CELF5: variants seen among roughly 807,000 people sequenced by gnomAD.
The protein encoded by CELF5 is CUGBP Elav-like family member 5.
CELF5 carries 6 observed loss-of-function variants against 54.9 expected under a neutral mutation model. The observed-to-expected ratio is 0.11, with a 90% CI of 0.06 to 0.22. The LOEUF is 0.22. CELF5 is among the 10% of genes least tolerant of loss of function. The pLI is 1.00. For missense variants in CELF5, 401 were observed against 678.6 expected, an observed-to-expected ratio of 0.59 and a Z score of 4.54; for synonymous variants, 271 against 290.9, an observed-to-expected ratio of 0.93 and a Z score of 0.70.
At chr19:3,277,737 C>G (rs1202230724) in intron 4 of CELF5, among the ~76,000 whole-genome samples, 1 of 152,022 alleles carries the variant, frequency 6.6e-6, no homozygotes, top group Non-Finnish European at 1.5e-5. Context: ...CTGGTGGTCT[C>G]TGTGTGTGTG....
chr19:3,288,261 C>T (rs902879665), intron 10 of CELF5, among the ~76,000 whole-genome samples: 1 of 152,160 alleles, frequency 6.6e-6, no homozygotes, highest in Non-Finnish European at 1.5e-5. Context: ...GTGGCTGACA[C>T]CTGTAATCCC....
intron 2 of CELF5, 55 bp downstream of exon 2, chr19:3,251,122 G>A: frequency 3.1e-5 from 42 of 1,354,832 alleles, no homozygotes; most frequent in Non-Finnish European, 4.3e-5. Context: ...TCTCAGCCTG[G>A]GGTGGGAGCC....
intron 2 of CELF5, among the ~76,000 whole-genome samples, chr19:3,271,949 A>G (rs2079972303): frequency 6.6e-6 from 1 of 152,174 alleles, no homozygotes; most frequent in South Asian, 2.1e-4. Context: ...TTCACTCACC[A>G]TGGCCTTACA....
intron 10 of CELF5, chr19:3,286,732 A>C (rs1309108239): frequency 1.2e-4 from 1 of 8,184 alleles, no homozygotes; most frequent in Non-Finnish European, 2.9e-4. Flanking sequence ...ACTCCATCTC[A>C]AAAAAAAAAA....
At chr19:3,271,679 AAGC>A in intron 2 of CELF5, among the ~76,000 whole-genome samples, 1 of 152,134 alleles carries the variant, frequency 6.6e-6, no homozygotes, top group East Asian at 1.9e-4. Context: ...AGGGCCTCTG[AAGC>A]AGGAGAGGCT....
At chr19:3,264,140 G>C (rs1198413972) in intron 2 of CELF5, among the ~76,000 whole-genome samples, 1 of 151,988 alleles carries the variant, frequency 6.6e-6, no homozygotes, top group African/African-American at 2.4e-5. Context: ...TGGATACAGT[G>C]GTGTGCCCTT....
At chr19:3,279,796 G>A (rs552346594) in intron 5 of CELF5, among the ~76,000 whole-genome samples, 1 of 152,274 alleles carries the variant, frequency 6.6e-6, no homozygotes, top group African/African-American at 2.4e-5. Flanking sequence ...TCCACCTCTC[G>A]AGTTCAAGCG....
At chr19:3,291,739 A>C (rs982609819) in intron 11 of CELF5, among the ~76,000 whole-genome samples, 4 of 143,904 alleles carry the variant, frequency 2.8e-5, no homozygotes, top group Non-Finnish European at 6.1e-5. Context: ...GCTGGAGCAG[A>C]GTGAGGAGGG....
intron 1 of CELF5, among the ~76,000 whole-genome samples, chr19:3,232,972 G>A (rs947561853): frequency 1.3e-5 from 2 of 152,034 alleles, no homozygotes; most frequent in Non-Finnish European, 2.9e-5. Context: ...TACTCGGGAG[G>A]CTGAGGCAAG....
At chr19:3,245,374 G>C (rs775124855) in intron 1 of CELF5, among the ~76,000 whole-genome samples, 15 of 146,566 alleles carry the variant, frequency 1.0e-4, no homozygotes, top group Non-Finnish European at 2.1e-4. Flanking sequence ...GTGTGTGCGT[G>C]TGTGTGTATG....
At chr19:3,230,077 C>CTCATTCATTCATTCATTCAT (rs113956897) in intron 1 of CELF5, among the ~76,000 whole-genome samples, 12 of 149,206 alleles carry the variant, frequency 8.0e-5, no homozygotes, top group South Asian at 2.1e-4. Context: ...TAGGACCACA[C>CTCATTCATTCATTCATTCAT]TCATTCATTC....
intron 2 of CELF5, among the ~76,000 whole-genome samples, chr19:3,259,929 T>G (rs1217192993): frequency 6.6e-6 from 1 of 152,110 alleles, no homozygotes; most frequent in Admixed American, 6.5e-5. Flanking sequence ...AAGGAGCAAG[T>G]AATGTTCTGG....
At chr19:3,235,710 A>G (rs181542369) in intron 1 of CELF5, among the ~76,000 whole-genome samples, 5 of 137,370 alleles carry the variant, frequency 3.6e-5, no homozygotes, top group Admixed American at 7.2e-5. Context: ...GGATGGATGG[A>G]TGGATGTGTG....
chr19:3,294,840 G>A (rs2080409386), intron 12 of CELF5: 1 of 152,238 alleles, frequency 6.6e-6, no homozygotes, highest in African/African-American at 2.4e-5. Context: ...GAGGAAATGG[G>A]CTTGGTGATG....
rs747132318 is a variant in CELF5 at position 3,251,058 on chromosome 19, C to T, written c.333C>T (p.Thr111=). 1 of 1,613,752 alleles carries T rather than the reference C, an allele frequency of 6.2e-7. No homozygotes were observed. The highest frequency in any genetic ancestry group is 8.5e-7 in the Non-Finnish European group (1 of 1,179,702). The part of the protein sequence containing the change: ...KAQTALHEQK[T]LPGMARPIQV... ...AGACTGCCCTGCACGAGCAGAAGACCTTGCCCGGAGTGAGTCCTGTGTGGT... is the reference window on the plus strand; with the variant it reads ...AGACTGCCCTGCACGAGCAGAAGACTTTGCCCGGAGTGAGTCCTGTGTGGT... Residue 111 remains threonine, a synonymous_variant, in exon 2 of 13, where the codon ACC becomes ACT. Coordinates refer to ENST00000292672, the MANE Select transcript of CELF5 (RefSeq NM_021938.4).
chr19:3,259,730 C>T (rs2145179842), intron 2 of CELF5, among the ~76,000 whole-genome samples: 1 of 152,078 alleles, frequency 6.6e-6, no homozygotes, highest in African/African-American at 2.4e-5. Flanking sequence ...ATCCAGCCCC[C>T]AGGAGACACT....
chr19:3,250,884 G>GCCGTATCAATAAAA, intron 1 of CELF5, 101 bp from the exon 2 acceptor site: 1 of 583,592 alleles, frequency 1.7e-6, no homozygotes. Flanking sequence ...TCTGTGGATG[G>GCCGTATCAATAAAA]AAGCTTGGGT....
At chr19:3,256,064 C>CAAAAAAAAAAAAA (rs1555720976) in intron 2 of CELF5, among the ~76,000 whole-genome samples, 3 of 139,552 alleles carry the variant, frequency 2.1e-5, no homozygotes, top group African/African-American at 8.1e-5. Flanking sequence ...GACCCTGTCT[C>CAAAAAAAAAAAAA]AAAAAAAAAG....
chr19:3,247,862 A>G (rs868126881), intron 1 of CELF5, among the ~76,000 whole-genome samples: 4 of 151,912 alleles, frequency 2.6e-5, no homozygotes, highest in Admixed American at 6.6e-5. Flanking sequence ...CCCGGGTTCA[A>G]ACGATTCTCA....
Sources: allele counts gnomAD v4.1 joint callset (sites outside exome capture counted in the v4.1 genomes callset), GRCh38; gene constraint gnomAD v4.1.1; transcripts MANE v1.5; gene names NCBI Gene and HGNC (gene_info 2026-07-23, HGNC 2026-07-21).